The following PAMR1 variants were observed in gnomAD, a reference collection of about 807,000 sequenced individuals.
PAMR1 encodes the protein inactive serine protease PAMR1.
Under a neutral mutation model 81.8 loss-of-function variants are expected in PAMR1, and 88 were observed. The ratio of observed to expected loss-of-function variants is 1.08; its 90% CI spans 0.91 to 1.28. The LOEUF (loss-of-function observed/expected upper bound fraction) is 1.28. Among genes scored for constraint, PAMR1 ranks in the 50% most tolerant of loss-of-function variants. PAMR1 has a pLI of 0.00. For missense variants in PAMR1, 935 were observed against 919.7 expected (o/e 1.02, Z -0.21); for synonymous variants, 336 against 345.3 (o/e 0.97, Z 0.30).
intron 7 of PAMR1, 103 bp from the exon 8 acceptor site, chr11:35,439,796 C>A: frequency 1.1e-6 from 1 of 928,412 alleles, no homozygotes; most frequent in Non-Finnish European, 1.8e-6. Context: ...ACACCAGGTG[C>A]CCATTCCCCA....
chr11:35,512,965 T>A (rs1375802708), intron 1 of PAMR1, among the ~76,000 whole-genome samples: 4 of 152,174 alleles, frequency 2.6e-5, no homozygotes, highest in Admixed American at 2.6e-4. Context: ...CACTCCAGCC[T>A]GGGTGACAGA....
At chr11:35,511,233 T>C (rs958629758) in intron 1 of PAMR1, among the ~76,000 whole-genome samples, 1 of 152,220 alleles carries the variant, frequency 6.6e-6, no homozygotes, top group Non-Finnish European at 1.5e-5. Context: ...CTACTGCTGA[T>C]AGATGGAGAA....
At chr11:35,438,871 ATCTC>A (rs1338886190) in intron 8 of PAMR1, among the ~76,000 whole-genome samples, 1 of 152,184 alleles carries the variant, frequency 6.6e-6, no homozygotes. Context: ...TTTAGGGAAG[ATCTC>A]TCTCTGTTAG....
chr11:35,518,039 T>C (rs1851199607), intron 1 of PAMR1, among the ~76,000 whole-genome samples: 1 of 152,164 alleles, frequency 6.6e-6, no homozygotes, highest in African/African-American at 2.4e-5. Context: ...GCAATTTGTA[T>C]CTCATTTCCA....
At chr11:35,446,100 A>C (rs1284684521) in intron 6 of PAMR1, among the ~76,000 whole-genome samples, 1 of 151,962 alleles carries the variant, frequency 6.6e-6, no homozygotes, top group Non-Finnish European at 1.5e-5. Context: ...TTTATCCTAG[A>C]TTTTCTAGTT....
At chr11:35,497,457 G>A (rs1850748242) in intron 1 of PAMR1, among the ~76,000 whole-genome samples, 1 of 152,190 alleles carries the variant, frequency 6.6e-6, no homozygotes, top group African/African-American at 2.4e-5. Context: ...GATGGTTACA[G>A]AGTTTCTGTT....
intron 6 of PAMR1, chr11:35,451,741 G>A: frequency 2.0e-6 from 1 of 502,946 alleles, no homozygotes; most frequent in Non-Finnish European, 3.5e-6. Context: ...TAGGATGTGG[G>A]GCATTTGGGA....
intron 1 of PAMR1, 107 bp from the exon 2 acceptor site, chr11:35,494,379 G>GCGGGA: frequency 1.1e-6 from 1 of 949,528 alleles, no homozygotes; most frequent in Non-Finnish European, 1.6e-6. Context: ...TGTCGCCCAG[G>GCGGGA]CTGGAGTGCA....
At chr11:35,491,626 T>C (rs907658411) in intron 3 of PAMR1, among the ~76,000 whole-genome samples, 2 of 152,232 alleles carry the variant, frequency 1.3e-5, no homozygotes, top group African/African-American at 4.8e-5. Context: ...ACAAAAGGCA[T>C]GCTAGCAATT....
intron 1 of PAMR1, among the ~76,000 whole-genome samples, chr11:35,513,927 G>C (rs895917531): frequency 6.6e-6 from 1 of 152,200 alleles, no homozygotes; most frequent in African/African-American, 2.4e-5. Context: ...TTACCAAAAA[G>C]GCACCTTCCC....
chr11:35,442,918 T>TA (rs1856206931), intron 6 of PAMR1, among the ~76,000 whole-genome samples: 1 of 152,178 alleles, frequency 6.6e-6, no homozygotes, highest in Non-Finnish European at 1.5e-5. Context: ...TTCTTTTTTT[T>TA]AATATAAATA....
intron 3 of PAMR1, among the ~76,000 whole-genome samples, chr11:35,491,001 A>G (rs1850614530): frequency 6.6e-6 from 1 of 152,238 alleles, no homozygotes; most frequent in Non-Finnish European, 1.5e-5. Flanking sequence ...GACCAGGGTT[A>G]AATCTTGCAG....
upstream of PAMR1, among the ~76,000 whole-genome samples, chr11:35,528,054 C>T (rs760139008): frequency 9.9e-5 from 15 of 152,118 alleles, no homozygotes; most frequent in Admixed American, 2.6e-4. Flanking sequence ...CAAGCAGCCT[C>T]ATCCCTACAT....
intron 6 of PAMR1, among the ~76,000 whole-genome samples, chr11:35,459,566 G>A (rs746761877): frequency 2.0e-5 from 3 of 152,182 alleles, no homozygotes; most frequent in Non-Finnish European, 2.9e-5. Flanking sequence ...AATGGCCTGA[G>A]CTGGGCATTT....
intron 6 of PAMR1, among the ~76,000 whole-genome samples, chr11:35,446,330 A>C (rs1422159341): frequency 1.3e-5 from 2 of 152,072 alleles, no homozygotes; most frequent in Non-Finnish European, 2.9e-5. Context: ...TTGTGTCTCT[A>C]TCTCCTTCAG....
At chr11:35,477,444 T>C (rs549512265) in intron 3 of PAMR1, among the ~76,000 whole-genome samples, 4 of 152,238 alleles carry the variant, frequency 2.6e-5, no homozygotes, top group African/African-American at 9.6e-5. Flanking sequence ...GTTAGAAGAC[T>C]GTAAATCGTT....
chr11:35,518,904 A>T (rs1851219535), intron 1 of PAMR1, among the ~76,000 whole-genome samples: 1 of 152,144 alleles, frequency 6.6e-6, no homozygotes, highest in South Asian at 2.1e-4. Context: ...AAAGTTAGCT[A>T]AATGTGTTCC....
chr11:35,468,298 G>T (rs1386002354), intron 5 of PAMR1, among the ~76,000 whole-genome samples, 190 bp from the exon 6 acceptor site: 1 of 152,046 alleles, frequency 6.6e-6, no homozygotes, highest in African/African-American at 2.4e-5. Flanking sequence ...TCAAATGTTG[G>T]TGATATTATT....
chr11:35,510,254 G>A (rs1005518422), intron 1 of PAMR1, among the ~76,000 whole-genome samples: 1 of 152,120 alleles, frequency 6.6e-6, no homozygotes, highest in African/African-American at 2.4e-5. Flanking sequence ...CACTAGAGCT[G>A]TGCATTTGTT....
Sources: gnomAD v4.1 joint callset for allele counts (sites outside exome capture counted in the v4.1 genomes callset) on GRCh38, gnomAD v4.1.1 for gene constraint, MANE v1.5 for transcripts, NCBI Gene and HGNC (gene_info 2026-07-23, HGNC 2026-07-21) for gene names.